LEPR: variants seen among roughly 807,000 people sequenced by gnomAD.
The protein encoded by LEPR is leptin receptor.
Under a neutral mutation model 114.7 loss-of-function variants are expected in LEPR, and 56 were observed. The observed-to-expected ratio is 0.49, with a 90% CI of 0.39 to 0.61. The LOEUF is 0.61. LEPR is among the 20% of genes least tolerant of loss of function. LEPR has a pLI of 0.00. For synonymous variants in LEPR, 443 were observed against 461.4 expected, an observed-to-expected ratio of 0.96 and a Z score of 0.51; for missense variants, 1,202 against 1,352.9, an observed-to-expected ratio of 0.89 and a Z score of 1.75.
At chr1:65,622,603 CA>C (rs1262542209) in intron 18 of LEPR, among the ~76,000 whole-genome samples, 4 of 152,114 alleles carry the variant, frequency 2.6e-5, no homozygotes, top group African/African-American at 9.7e-5. Flanking sequence ...TTCTGGTACC[CA>C]CTTTGTGACC....
At chr1:65,443,088 A>G (rs1478278287) in intron 2 of LEPR, among the ~76,000 whole-genome samples, 1 of 152,358 alleles carries the variant, frequency 6.6e-6, no homozygotes, top group African/African-American at 2.4e-5. Flanking sequence ...TGTAAGTGGC[A>G]GAAAGACTGA....
chr1:65,624,471 G>A (rs1658076294), intron 19 of LEPR, among the ~76,000 whole-genome samples: 1 of 152,102 alleles, frequency 6.6e-6, no homozygotes, highest in South Asian at 2.1e-4. Flanking sequence ...CTCTATAGCA[G>A]TGGCTTCTTT....
intron 2 of LEPR, among the ~76,000 whole-genome samples, chr1:65,476,411 C>T (rs1446666147): frequency 1.3e-5 from 2 of 151,982 alleles, no homozygotes; most frequent in African/African-American, 4.8e-5. Context: ...AAGCAGTGAA[C>T]GGGGTGGACA....
chr1:65,578,211 G>A (rs1474409082), intron 5 of LEPR: 1 of 158,400 alleles, frequency 6.3e-6, no homozygotes, highest in South Asian at 1.5e-4. Flanking sequence ...CCATCACTGA[G>A]GGGTATGTGG....
In LEPR at chr1:65,633,029, C is replaced by A. The variant is rs1658586020; in HGVS notation, c.2674-3162C>A. The A allele has an allele frequency of 1.3e-6, 1 of 798,118 alleles. No homozygotes were observed. The highest frequency in any genetic ancestry group is 2.0e-6 in the Non-Finnish European group (1 of 500,844). 49.4% of individuals were successfully genotyped at this position (798,118 alleles called of 1,614,324 possible). A position where few individuals can be genotyped will look rare whatever the true frequency, so the allele number is the denominator to read the frequency against. On this transcript the variant is annotated intron_variant, in intron 19 of 19. Transcript: ENST00000349533. This position sits in a 1 kb window ranked among gnomAD's most constrained non-coding sequence, Gnocchi z 4.1. Reference sequence around the variant, plus strand: ...TTCCCAAAAGGATGCATTATTGTAACCTAACACAAAAATTTATAGTCCAGA... The same window carrying A: ...TTCCCAAAAGGATGCATTATTGTAAACTAACACAAAAATTTATAGTCCAGA...
intron 5 of LEPR, chr1:65,576,312 T>G (rs1329734224): frequency 6.5e-6 from 1 of 152,784 alleles, no homozygotes; most frequent in Non-Finnish European, 1.5e-5. Flanking sequence ...GTGGGTCTGA[T>G]GAGCTAGTTT....
chr1:65,500,824 T>C (rs185777362), intron 2 of LEPR, among the ~76,000 whole-genome samples: 32 of 152,152 alleles, frequency 2.1e-4, no homozygotes, highest in African/African-American at 7.2e-4. Context: ...GTTGTTCAAC[T>C]ATACCTTCCA....
intron 2 of LEPR, among the ~76,000 whole-genome samples, chr1:65,565,001 A>G (rs1653627309): frequency 6.6e-6 from 1 of 152,172 alleles, no homozygotes; most frequent in South Asian, 2.1e-4. Flanking sequence ...ACTCTCCAAT[A>G]TTACCTCATC....
At chr1:65,526,562 G>C (rs1303675416) in intron 2 of LEPR, 1 of 259,180 alleles carries the variant, frequency 3.9e-6, no homozygotes, top group Non-Finnish European at 6.0e-6. Context: ...AGGGTGGCCT[G>C]GGGTGTCCTC....
At chr1:65,435,209 C>CA in intron 2 of LEPR, 1 of 985,380 alleles carries the variant, frequency 1.0e-6, no homozygotes, top group Non-Finnish European at 1.2e-6. Context: ...CTTAAGAACT[C>CA]ATAGATTTTT....
Position 65,616,049 on chromosome 1 carries a change from T to C in LEPR, c.2037T>C (p.Tyr679=). Residue 679 remains tyrosine, a synonymous_variant, in exon 15 of 20, where the codon TAT becomes TAC. Transcript: ENST00000349533. ...KNDSLCSVQR[Y]VINHHTSCNG... The stretch of plus-strand genomic sequence containing the variant: ...ACTCATTGTGCAGTGTTCAGAGATA[T>C]GTGATAAACCATCATACTTCCTGCA... The C allele has an allele frequency of 1.9e-6, 3 of 1,614,168 alleles. No homozygotes were observed. Among genetic ancestry groups the C allele is most frequent in the South Asian group, 1.1e-5 (1 of 91,088 alleles).
At chr1:65,441,834 A>T (rs1488315497) in intron 2 of LEPR, among the ~76,000 whole-genome samples, 1 of 152,146 alleles carries the variant, frequency 6.6e-6, no homozygotes, top group East Asian at 1.9e-4. Context: ...GATAACAAGG[A>T]TATTGGCAGA....
chr1:65,507,562 C>CAA (rs1648819377), intron 2 of LEPR, among the ~76,000 whole-genome samples: 1 of 146,824 alleles, frequency 6.8e-6, no homozygotes, highest in Non-Finnish European at 1.5e-5. Context: ...CACACACACA[C>CAA]AACATTAAAA....
At chr1:65,452,667 T>TG (rs1331188287) in intron 2 of LEPR, among the ~76,000 whole-genome samples, 1 of 151,346 alleles carries the variant, frequency 6.6e-6, no homozygotes, top group African/African-American at 2.4e-5. Context: ...GATGTGCTGC[T>TG]GGATTCGGTT....
chr1:65,611,911 G>A (rs1164086110), intron 14 of LEPR, among the ~76,000 whole-genome samples: 1 of 152,074 alleles, frequency 6.6e-6, no homozygotes, highest in Non-Finnish European at 1.5e-5. Flanking sequence ...CTATCTTTTT[G>A]GACAACAAAG....
chr1:65,429,489 A>G (rs1272784192), intron 2 of LEPR, among the ~76,000 whole-genome samples: 1 of 152,226 alleles, frequency 6.6e-6, no homozygotes, highest in Non-Finnish European at 1.5e-5. Flanking sequence ...GCATGCGTGC[A>G]CTCAAAAGAT....
intron 2 of LEPR, among the ~76,000 whole-genome samples, chr1:65,529,003 TG>T (rs1650181566): frequency 6.7e-6 from 1 of 149,728 alleles, no homozygotes; most frequent in African/African-American, 2.5e-5. Flanking sequence ...TTAGTAGAGA[TG>T]GGGTTTCACC....
intron 1 of LEPR, among the ~76,000 whole-genome samples, chr1:65,422,866 G>T (rs1313067809): frequency 2.6e-5 from 4 of 152,324 alleles, no homozygotes; most frequent in African/African-American, 9.6e-5. Context: ...CAACCGCAAA[G>T]GGATGGCAGC....
Position 65,572,320 on chromosome 1 carries a change from A to G in LEPR, c.371-6A>G. ...TTTTTTTTTTTTTTTTTTTTTTTAA[A>G]TTCAGATGCAAACTGGAACATACAG... is the stretch of plus-strand genomic sequence containing the variant. On this transcript the variant is annotated splice_region_variant and splice_polypyrimidine_tract_variant and intron_variant, in intron 4 of 19. Transcript: ENST00000349533. 8 of 1,228,946 alleles carry G rather than the reference A, an allele frequency of 6.5e-6. No homozygotes were observed. Among genetic ancestry groups the G allele is most frequent in the Non-Finnish European group, 8.5e-6 (8 of 938,326 alleles). The allele number at this position is 1,228,946 out of a possible 1,614,324, so 76.1% of individuals were successfully genotyped here.
Sources: allele counts gnomAD v4.1 joint callset (sites outside exome capture counted in the v4.1 genomes callset), GRCh38; gene constraint gnomAD v4.1.1; non-coding constraint Gnocchi (gnomAD v3.1); transcripts MANE v1.5; gene names NCBI Gene and HGNC (gene_info 2026-07-23, HGNC 2026-07-21).